Variants in SLC6A20 observed in about 807,000 individuals in gnomAD.
SLC6A20 encodes the protein sodium- and chloride-dependent transporter XTRP3.
A neutral mutation model predicts 64.3 loss-of-function variants in SLC6A20; 73 were observed. The ratio of observed to expected loss-of-function variants is 1.14; its 90% CI spans 0.94 to 1.38. SLC6A20 has a LOEUF of 1.38. Ranked by LOEUF, SLC6A20 falls within the 40% of genes most tolerant of loss-of-function variation. The pLI is 0.00. For synonymous variants in SLC6A20, 347 were observed against 329.6 expected (o/e 1.05, Z -0.57); for missense variants, 725 against 772.8 (o/e 0.94, Z 0.73).
chr3:45,794,728 G>A (rs1436239442), intron 1 of SLC6A20, among the ~76,000 whole-genome samples: 1 of 152,158 alleles, frequency 6.6e-6, no homozygotes, highest in Non-Finnish European at 1.5e-5. Flanking sequence ...TGATGACTGG[G>A]AAACATGTAC....
intron 10 of SLC6A20, among the ~76,000 whole-genome samples, chr3:45,759,553 G>A (rs1699625148): frequency 6.6e-6 from 1 of 152,218 alleles, no homozygotes; most frequent in African/African-American, 2.4e-5. Context: ...GGAGGAGAGC[G>A]CTGCTCAGGA....
rs767476989 is a variant in SLC6A20, at chr3:45,772,619, C to T, written c.583-4G>A. ...GTGACGCCGTGAAATACACCACCTG[C>T]GGGCATCAGAGGGCAGAGTTGGCCT... On this transcript the variant is annotated splice_region_variant and splice_polypyrimidine_tract_variant and intron_variant, in intron 4 of 10. Coordinates refer to ENST00000358525, the MANE Select transcript of SLC6A20 (RefSeq NM_020208.4). The T allele has an allele frequency of 2.7e-5, 43 of 1,611,558 alleles. No homozygotes were observed. The highest frequency in any genetic ancestry group is 6.7e-5 in the Admixed American group (4 of 59,786).
chr3:45,771,243 G>A lies in SLC6A20; in HGVS notation c.909C>T (p.Thr303=). 1 of 1,614,234 alleles carries A rather than the reference G, an allele frequency of 6.2e-7. No individual in the cohort carries two copies. The highest frequency in any genetic ancestry group is 1.3e-5 in the African/African-American group (1 of 75,066). ...TCTTCAAGCAGTTTTCATAATTGAA[G>A]GTGGCCTTGAAGCCATAGATGGAGA... ...VTFSIYGFKA[T]FNYENCLKKV... The change falls in exon 6 of 11, where the codon ACC becomes ACT. Residue 303 remains threonine, a synonymous_variant. Transcript: ENST00000358525.
At position 45,771,490 on chromosome 3, in the gene SLC6A20, CCCTGGGTGG is replaced by C. The variant is rs761561169; in HGVS notation, c.694-41_694-33del. 2.9e-5 allele frequency: 46 copies of C among 1,610,592 alleles called. No homozygotes were observed. The South Asian group carries it at 4.6e-4, about 16-fold the overall frequency. ...GGCCAGCAGGGACAGGGCTGATGAT[CCCTGGGTGG>C]AATCCCAAATGCTCAGACCCGCAAC... On this transcript the variant is annotated intron_variant, in intron 5 of 10. Coordinates refer to ENST00000358525, the MANE Select transcript of SLC6A20 (RefSeq NM_020208.4).
intron 7 of SLC6A20, 108 bp downstream of exon 7, chr3:45,770,101 C>A: frequency 2.1e-6 from 3 of 1,431,794 alleles, no homozygotes; most frequent in Non-Finnish European, 2.9e-6. Flanking sequence ...AATTCAGGAT[C>A]CTTCTTTATT....
At position 45,765,711 on chromosome 3, in the gene SLC6A20, C is replaced by T. The variant is rs201747191; in HGVS notation, c.1129G>A (p.Val377Ile). The T allele has an allele frequency of 4.6e-5, 74 of 1,613,990 alleles. No homozygotes were observed. Among genetic ancestry groups the T allele is most frequent in the East Asian group, 2.7e-4 (12 of 44,882 alleles). ...ATGTTTTTAATGGCCTCTGTGTAGA[C>T]GATGAATGCCAGGCCAGTGCCCTGG... ...AVQGTGLAFI[V>I]YTEAIKNMEV... The change falls in exon 8 of 11, where the codon GTC becomes ATC. Residue 377 changes from valine (V) to isoleucine (I), a missense_variant. By Grantham distance (29) the Val-to-Ile change is conservative. Coordinates refer to ENST00000358525, the MANE Select transcript of SLC6A20 (RefSeq NM_020208.4). The surrounding 1 kb of genome is among the most constrained non-coding windows in gnomAD (Gnocchi z 4.2).
intron 2 of SLC6A20, among the ~76,000 whole-genome samples, chr3:45,781,174 T>C (rs945506885): frequency 1.5e-4 from 23 of 151,324 alleles, no homozygotes; most frequent in Non-Finnish European, 4.4e-5. Context: ...GAGCCGAGAT[T>C]GTGCCATTGC....
At chr3:45,771,706 C>T (rs1476343632) in intron 5 of SLC6A20, 3 of 604,256 alleles carry the variant, frequency 5.0e-6, no homozygotes, top group Non-Finnish European at 8.6e-6. Flanking sequence ...ATGTGGAGGA[C>T]ATAAGGTGCT....
At chr3:45,768,153 G>A (rs1285076769) in intron 7 of SLC6A20, among the ~76,000 whole-genome samples, 1 of 152,196 alleles carries the variant, frequency 6.6e-6, no homozygotes, top group Non-Finnish European at 1.5e-5. Flanking sequence ...TTTAAAATGG[G>A]AGATAAAATG....
rs182278229 is a variant in SLC6A20, at chr3:45,759,438, A to G, written c.1630-311T>C. Among the ~76,000 whole-genome samples the G allele has an allele frequency of 1.3e-3, 203 of 152,384 alleles. 1 individual carries two copies. The highest frequency in any genetic ancestry group is 7.9e-3 in the Admixed American group (121 of 15,310). On this transcript the variant is annotated intron_variant, in intron 10 of 10. Coordinates refer to ENST00000358525, the MANE Select transcript of SLC6A20 (RefSeq NM_020208.4). ...AATCAAGCACCTTATGTCTAAGGCA[A>G]CTTTCAGGGAACCTAAACTGTAGGC...
At chr3:45,770,864 T>C (rs1057502527) in intron 6 of SLC6A20, among the ~76,000 whole-genome samples, 1 of 152,212 alleles carries the variant, frequency 6.6e-6, no homozygotes, top group African/African-American at 2.4e-5. Flanking sequence ...GATGATGTCT[T>C]TGTATTTTGG....
intron 2 of SLC6A20, among the ~76,000 whole-genome samples, chr3:45,780,632 G>T (rs554577541): frequency 1.3e-5 from 2 of 152,152 alleles, no homozygotes; most frequent in Non-Finnish European, 2.9e-5. Flanking sequence ...TGGGGAGGGG[G>T]CTGCCCGTAA....
In SLC6A20 at chr3:45,772,333, G is replaced by A. The variant is rs1412332310; in HGVS notation, c.693+172C>T. On this transcript the variant is annotated intron_variant, in intron 5 of 10. Coordinates refer to ENST00000358525, the MANE Select transcript of SLC6A20 (RefSeq NM_020208.4). ...GAGTGGGGATGACCTGGCTGAGGAG[G>A]TGATCCAGTGACTGCAGGTACTCCA... 7.2e-6 allele frequency: 4 copies of A among 557,204 alleles called. No individual in the cohort carries two copies. In the Admixed American group the frequency reaches 1.4e-4, roughly 20 times the overall value. The allele number at this position is 557,204 out of a possible 1,614,324, so 34.5% of individuals were successfully genotyped here. A position where few individuals can be genotyped will look rare whatever the true frequency, so the allele number is the denominator to read the frequency against.
intron 1 of SLC6A20, among the ~76,000 whole-genome samples, chr3:45,792,808 A>C (rs562832203): frequency 8.5e-5 from 13 of 152,324 alleles, no homozygotes; most frequent in African/African-American, 3.1e-4. Context: ...GTAATCTGCA[A>C]ATTCTTGGAA....
At chr3:45,759,536 TAGGCGCGG>T (rs1428495333) in intron 10 of SLC6A20, among the ~76,000 whole-genome samples, 2 of 152,232 alleles carry the variant, frequency 1.3e-5, no homozygotes, top group African/African-American at 4.8e-5. Context: ...TCTGCTGCGG[TAGGCGCGG>T]AGGAGAGCGC....
intron 2 of SLC6A20, among the ~76,000 whole-genome samples, chr3:45,781,550 G>A (rs563485460): frequency 4.6e-5 from 7 of 152,298 alleles, no homozygotes; most frequent in Non-Finnish European, 8.8e-5. Context: ...GGAGAAGCAT[G>A]AGATGAAACA....
chr3:45,786,829 G>A (rs1280457601), intron 1 of SLC6A20, among the ~76,000 whole-genome samples: 1 of 152,206 alleles, frequency 6.6e-6, no homozygotes, highest in Non-Finnish European at 1.5e-5. Flanking sequence ...AGGTAACTGA[G>A]GCACACATTG....
intron 2 of SLC6A20, 100 bp from the exon 3 acceptor site, chr3:45,780,200 CG>C: frequency 8.7e-7 from 1 of 1,155,918 alleles, no homozygotes; most frequent in Non-Finnish European, 1.2e-6. Flanking sequence ...GCGACCGCCC[CG>C]GGGTGGGCGA....
At chr3:45,782,662 ACCATCCAT>A (rs1179289036) in intron 1 of SLC6A20, among the ~76,000 whole-genome samples, 1 of 93,530 alleles carries the variant, frequency 1.1e-5, no homozygotes, top group Non-Finnish European at 2.2e-5. Context: ...CATCCATCCA[ACCATCCAT>A]CCATCCTTCC....
Sources: allele counts gnomAD v4.1 joint callset (sites outside exome capture counted in the v4.1 genomes callset), GRCh38; gene constraint gnomAD v4.1.1; non-coding constraint Gnocchi (gnomAD v3.1); transcripts MANE v1.5; gene names NCBI Gene and HGNC (gene_info 2026-07-23, HGNC 2026-07-21).